PRKCI: variants seen among roughly 807,000 people sequenced by gnomAD.
PRKCI encodes the protein protein kinase C iota type.
PRKCI carries 43 observed loss-of-function variants against 84.0 expected under a neutral mutation model. The observed-to-expected ratio is 0.51, with a 90% CI of 0.40 to 0.66. PRKCI has a LOEUF of 0.66. Ranked by LOEUF, PRKCI falls within the 30% of genes least tolerant of loss-of-function variation. The pLI is 0.00. For synonymous variants in PRKCI, 216 were observed against 234.4 expected (o/e 0.92, Z 0.72); for missense variants, 459 against 745.6 (o/e 0.62, Z 4.48).
At chr3:170,240,289 T>G (rs201278608) in intron 2 of PRKCI, among the ~76,000 whole-genome samples, 3 of 140,342 alleles carry the variant, frequency 2.1e-5, no homozygotes, top group Admixed American at 1.4e-4. Context: ...GTTTATTCTG[T>G]TTTTTTTTTC....
intron 12 of PRKCI, among the ~76,000 whole-genome samples, chr3:170,288,564 C>T (rs893712892): frequency 3.3e-5 from 5 of 152,084 alleles, no homozygotes; most frequent in African/African-American, 1.2e-4. Flanking sequence ...GCCTGGCCAA[C>T]ATGGTGAAAA....
chr3:170,255,615 ACTT>A (rs886629027), intron 2 of PRKCI, among the ~76,000 whole-genome samples: 27 of 152,182 alleles, frequency 1.8e-4, no homozygotes, highest in Admixed American at 5.9e-4. Context: ...GGATAATTTG[ACTT>A]CTTCTTTTCT....
At chr3:170,277,911 CTTCCTACGTCTG>C (rs1734157377) in intron 8 of PRKCI, among the ~76,000 whole-genome samples, 1 of 151,884 alleles carries the variant, frequency 6.6e-6, no homozygotes, top group Admixed American at 6.6e-5. Context: ...TTTTTCTTTC[CTTCCTACGTCTG>C]TTCCTCCATC....
At chr3:170,250,305 A>T (rs565812958) in intron 2 of PRKCI, among the ~76,000 whole-genome samples, 1 of 142,170 alleles carries the variant, frequency 7.0e-6, no homozygotes, top group African/African-American at 2.5e-5. Context: ...CACATTCTTT[A>T]AAAAAAAAAA....
chr3:170,230,592 A>C (rs940006154), intron 1 of PRKCI, among the ~76,000 whole-genome samples: 3 of 152,244 alleles, frequency 2.0e-5, no homozygotes, highest in Non-Finnish European at 2.9e-5. Context: ...GGCCTCCCGA[A>C]GTGCTGGGAT....
intron 8 of PRKCI, among the ~76,000 whole-genome samples, chr3:170,279,520 C>T (rs1259340073): frequency 6.6e-6 from 1 of 152,154 alleles, no homozygotes; most frequent in Non-Finnish European, 1.5e-5. Flanking sequence ...ATTTTGCAGG[C>T]ATCTAATAAA....
At position 170,280,392 on chromosome 3, in the gene PRKCI, A is replaced by G. The variant is rs973528502; in HGVS notation, c.871A>G (p.Asn291Asp). 2 of 1,613,202 alleles carry G rather than the reference A, an allele frequency of 1.2e-6. No homozygotes were observed. The highest frequency in any genetic ancestry group is 1.7e-6 in the Non-Finnish European group (2 of 1,179,398). ...AMKVVKKELV[N>D]DDEDIDWVQT... Reference sequence around the variant, plus strand: ...GAAAGTTGTGAAAAAAGAGCTTGTTAATGATGATGAGGTAAGCACTGCATA... The same window carrying G: ...GAAAGTTGTGAAAAAAGAGCTTGTTGATGATGATGAGGTAAGCACTGCATA... The change falls in exon 9 of 18, where the codon AAT (asparagine) becomes GAT (aspartate). Residue 291 changes from asparagine (N) to aspartate (D), a missense_variant. Physicochemically the swap from Asn to Asp is conservative, Grantham distance 23 (BLOSUM62 1). Coordinates refer to ENST00000295797, the MANE Select transcript of PRKCI (RefSeq NM_002740.6).
rs560987152 is a variant in PRKCI, at chr3:170,291,733, T to C, written c.1204-121T>C. 4.2e-6 allele frequency: 3 copies of C among 715,836 alleles called. No homozygotes were observed. In the East Asian group the frequency reaches 8.2e-5, roughly 20 times the overall value. 44.3% of individuals were successfully genotyped at this position (715,836 alleles called of 1,614,324 possible). The stretch of plus-strand genomic sequence containing the variant: ...ATAATAAAGGCAATTGTTCTAGTGA[T>C]GTTAAGTGAGCTTAATGTATCACTG... On this transcript the variant is annotated intron_variant, in intron 12 of 17. Transcript: ENST00000295797.
chr3:170,229,312 A>AGTT (rs3838823), intron 1 of PRKCI, among the ~76,000 whole-genome samples: 3,066 of 152,134 alleles, frequency 0.02, 56 homozygotes, highest in East Asian at 0.1. Context: ...AGTGTTCTAC[A>AGTT]GTTGTTGTTG....
At chr3:170,264,269 A>AC (rs1733805771) in intron 4 of PRKCI, among the ~76,000 whole-genome samples, 1 of 149,250 alleles carries the variant, frequency 6.7e-6, no homozygotes, top group Non-Finnish European at 1.5e-5. Context: ...TTAAACAGGT[A>AC]TTAAGTCACT....
rs76515783 is a variant in PRKCI, at chr3:170,232,694, C to T, written c.102-2536C>T. Among the ~76,000 whole-genome samples, 1,380 of 151,990 alleles carry T rather than the reference C, an allele frequency of 9.1e-3. 10 individuals are homozygous for T. Among genetic ancestry groups the T allele is most frequent in the Non-Finnish European group, 0.015 (1,008 of 67,982 alleles). On this transcript the variant is annotated intron_variant, in intron 1 of 17. Transcript: ENST00000295797. ...TGATTCTCGTGAGTAGCTGGGACTA[C>T]GCTATGCTTGGCTAATTACAAAAAA...
intron 5 of PRKCI, among the ~76,000 whole-genome samples, chr3:170,268,909 T>TTA (rs202084250): frequency 1.4e-3 from 186 of 130,222 alleles, no homozygotes; most frequent in African/African-American, 7.2e-3. Context: ...TCATTTATTA[T>TTA]TTATTTATTT....
At chr3:170,254,671 C>A (rs182289642) in intron 2 of PRKCI, among the ~76,000 whole-genome samples, 36 of 152,222 alleles carry the variant, frequency 2.4e-4, no homozygotes, top group African/African-American at 8.4e-4. Flanking sequence ...CTCTTCTGTT[C>A]CATCGGTTTA....
At chr3:170,245,557 GTCC>G (rs1261516714) in intron 2 of PRKCI, among the ~76,000 whole-genome samples, 4 of 152,066 alleles carry the variant, frequency 2.6e-5, no homozygotes, top group Non-Finnish European at 1.5e-5. Flanking sequence ...GGGAAGGTCT[GTCC>G]TCCTCATTGG....
chr3:170,233,759 C>T (rs979549729), intron 1 of PRKCI, among the ~76,000 whole-genome samples: 1 of 151,936 alleles, frequency 6.6e-6, no homozygotes, highest in East Asian at 1.9e-4. Context: ...CTCACTTTAT[C>T]ATCCAGGCTG....
chr3:170,272,205 T>TA (rs1353705481), intron 6 of PRKCI, among the ~76,000 whole-genome samples: 1 of 152,106 alleles, frequency 6.6e-6, no homozygotes, highest in East Asian at 1.9e-4. Flanking sequence ...GGTTAAAAGA[T>TA]ACGCATTTAA....
chr3:170,290,834 A>G (rs1194363002), intron 12 of PRKCI, among the ~76,000 whole-genome samples: 1 of 151,674 alleles, frequency 6.6e-6, no homozygotes, highest in Non-Finnish European at 1.5e-5. Flanking sequence ...TTTTTTTTCC[A>G]TCCTACAGCT....
chr3:170,282,477 A>G (rs1402320650), intron 11 of PRKCI, among the ~76,000 whole-genome samples: 1 of 151,542 alleles, frequency 6.6e-6, no homozygotes, highest in Non-Finnish European at 1.5e-5. Context: ...CGGGCGGATC[A>G]CCTGAGGTCA....
In PRKCI at chr3:170,305,126, T is replaced by C. The variant is rs1156862631; in HGVS notation, c.*1999T>C. 3 of 152,640 alleles carry C rather than the reference T, an allele frequency of 2.0e-5. No homozygotes were observed. The highest frequency in any genetic ancestry group is 4.4e-5 in the Non-Finnish European group (3 of 68,026). The allele number at this position is 152,640 out of a possible 1,614,324, so 9.5% of individuals were successfully genotyped here. A position where few individuals can be genotyped will look rare whatever the true frequency, so the allele number is the denominator to read the frequency against. ...TTCAAATCATAAACTTAGAATTCTG[T>C]ATCTCATGTCAGAAATATGTTTATG... is the stretch of plus-strand genomic sequence containing the variant. On this transcript the variant is annotated 3_prime_UTR_variant, in exon 18 of 18. Transcript: ENST00000295797.
Sources: allele counts gnomAD v4.1 joint callset (sites outside exome capture counted in the v4.1 genomes callset), GRCh38; gene constraint gnomAD v4.1.1; transcripts MANE v1.5; gene names NCBI Gene and HGNC (gene_info 2026-07-23, HGNC 2026-07-21).